The following RUBCNL variants were observed in gnomAD, a reference collection of about 807,000 sequenced individuals.
RUBCNL encodes protein associated with UVRAG as autophagy enhancer.
Under a neutral mutation model 69.5 loss-of-function variants are expected in RUBCNL, and 62 were observed. The observed-to-expected ratio is 0.89, with a 90% CI of 0.73 to 1.10. The LOEUF (loss-of-function observed/expected upper bound fraction) is 1.10, where lower values mean the gene tolerates loss of function less well. Among genes scored for constraint, RUBCNL ranks in the 50% least tolerant of loss-of-function variants. The pLI, the probability that RUBCNL is intolerant of heterozygous loss-of-function variation, is 0.00. For synonymous variants in RUBCNL, 291 were observed against 303.6 expected (o/e 0.96, Z 0.43); for missense variants, 768 against 798.1 (o/e 0.96, Z 0.45).
At chr13:46,350,750 A>G (rs770197232) in intron 10 of RUBCNL, 33 of 183,462 alleles carry the variant, frequency 1.8e-4, no homozygotes, top group Non-Finnish European at 1.3e-4. Flanking sequence ...ACAAAATGCA[A>G]CTCAGAACTG....
intron 1 of RUBCNL, among the ~76,000 whole-genome samples, chr13:46,379,227 C>G (rs539448135): frequency 2.3e-3 from 354 of 152,284 alleles, no homozygotes; most frequent in Non-Finnish European, 3.7e-3. Flanking sequence ...CAGGTGCCCG[C>G]CACCATGCCT....
chr13:46,342,634 T>C lies in RUBCNL; in HGVS notation c.*751A>G, dbSNP rs2048162074. The C allele has an allele frequency of 6.6e-6, 1 of 152,234 alleles. No homozygotes were observed. The highest frequency in any genetic ancestry group is 6.5e-5 in the Admixed American group (1 of 15,286). The allele number at this position is 152,234 out of a possible 1,614,324, so 9.4% of individuals were successfully genotyped here. On this transcript the variant is annotated 3_prime_UTR_variant, in exon 15 of 15. Transcript: ENST00000429979. Reference sequence around the variant, plus strand: ...ACCTTATGTTCAGTTTTACATCTGTTAAAGCAAGATCCTCAAGGGCAGGGA... The same window carrying C: ...ACCTTATGTTCAGTTTTACATCTGTCAAAGCAAGATCCTCAAGGGCAGGGA...
intron 3 of RUBCNL, among the ~76,000 whole-genome samples, chr13:46,370,633 G>T (rs961512270): frequency 1.3e-5 from 2 of 152,180 alleles, no homozygotes; most frequent in Non-Finnish European, 2.9e-5. Context: ...AGGGGCTGGG[G>T]TATCTGTTTT....
intron 5 of RUBCNL, among the ~76,000 whole-genome samples, chr13:46,365,302 C>CAAG (rs2048727296): frequency 3.4e-5 from 2 of 59,460 alleles, no homozygotes. Flanking sequence ...GACTCCATCT[C>CAAG]AAAAAAAAAA....
Position 46,341,043 on chromosome 13 carries a change from C to G in RUBCNL, c.*2342G>C, listed in dbSNP as rs2048138484. ...TGTGGCCAATAATTCTCACCCAGGT[C>G]AACACACCAGACATCTTTGGGATGG... On this transcript the variant is annotated 3_prime_UTR_variant, in exon 15 of 15. Coordinates refer to ENST00000429979, the MANE Select transcript of RUBCNL (RefSeq NM_025113.5). 1.3e-5 allele frequency among the ~76,000 whole-genome samples: 2 copies of G among 152,186 alleles called. No homozygotes were observed. Among genetic ancestry groups the G allele is most frequent in the Non-Finnish European group, 1.5e-5 (1 of 68,040 alleles).
intron 3 of RUBCNL, among the ~76,000 whole-genome samples, chr13:46,371,122 A>C (rs2048866445): frequency 1.3e-5 from 2 of 152,212 alleles, no homozygotes; most frequent in Admixed American, 1.3e-4. Context: ...GGGGAAGATG[A>C]GCTCCTGCTA....
intron 2 of RUBCNL, among the ~76,000 whole-genome samples, chr13:46,374,031 A>G (rs1368958030): frequency 1.3e-5 from 2 of 152,250 alleles, no homozygotes; most frequent in African/African-American, 4.8e-5. Context: ...GTTTATAGCT[A>G]TAGCTGCTGT....
intron 12 of RUBCNL, among the ~76,000 whole-genome samples, chr13:46,346,630 G>A (rs766432385): frequency 1.3e-5 from 2 of 152,016 alleles, no homozygotes; most frequent in East Asian, 1.9e-4. Flanking sequence ...TGAAAAAACC[G>A]AGGCCCTGAG....
chr13:46,359,930 A>G lies in RUBCNL; in HGVS notation c.1120-299T>C, dbSNP rs562961171. On this transcript the variant is annotated intron_variant, in intron 8 of 14. Coordinates refer to ENST00000429979, the MANE Select transcript of RUBCNL (RefSeq NM_025113.5). ...GACCTGGAATGCATTTATGAATAGC[A>G]GAAGCCTCACCCCTCTTAGTCAACA... is the stretch of plus-strand genomic sequence containing the variant. Among the ~76,000 whole-genome samples the G allele has an allele frequency of 2.0e-5, 3 of 152,210 alleles. No individual in the cohort carries two copies. The South Asian group carries it at 6.2e-4, about 31-fold the overall frequency.
At chr13:46,380,197 G>C (rs2049088957) in intron 1 of RUBCNL, among the ~76,000 whole-genome samples, 2 of 152,184 alleles carry the variant, frequency 1.3e-5, no homozygotes, top group Non-Finnish European at 1.5e-5. Context: ...AGAGAAATGG[G>C]TAAGTAAGAA....
chr13:46,335,260 GTTTTTTTTTTTTTT>G lies in RUBCNL; in HGVS notation c.*8111_*8124del, dbSNP rs764458781. Reference sequence around the variant, plus strand: ...GTGTCTTTTTGTTGTTGTTGTTGTTGTTTTTTTTTTTTTTTTTTTTTTTTTAAGAGACAGGGTCT... The same window carrying G: ...GTGTCTTTTTGTTGTTGTTGTTGTTGTTTTTTTTTTTAAGAGACAGGGTCT... On this transcript the variant is annotated 3_prime_UTR_variant, in exon 15 of 15. Transcript: ENST00000429979. Among the ~76,000 whole-genome samples, 1 of 101,888 alleles carries G rather than the reference GTTTTTTTTTTTTTT, an allele frequency of 9.8e-6. No homozygotes were observed. The highest frequency in any genetic ancestry group is 3.5e-4 in the South Asian group (1 of 2,828). The allele number at this position is 101,888 out of a possible 152,430, so 66.8% of individuals were successfully genotyped here. A position where few individuals can be genotyped will look rare whatever the true frequency, so the allele number is the denominator to read the frequency against.
chr13:46,340,743 C>T lies in RUBCNL; in HGVS notation c.*2642G>A, dbSNP rs1401891931. Among the ~76,000 whole-genome samples, 1 of 152,116 alleles carries T rather than the reference C, an allele frequency of 6.6e-6. No individual in the cohort carries two copies. The highest frequency in any genetic ancestry group is 6.5e-5 in the Admixed American group (1 of 15,274). ...TGTGCAGACTCCCCTTGTATGGAAA[C>T]AGAGGAGGCAAAGAGAGGGCAGGGA... On this transcript the variant is annotated 3_prime_UTR_variant, in exon 15 of 15. Transcript: ENST00000429979.
rs569997490 is a variant in RUBCNL, at chr13:46,355,861, TAA to T, written c.1330+569_1330+570del. 2.4e-3 allele frequency among the ~76,000 whole-genome samples: 372 copies of T among 152,222 alleles called. 2 individuals are homozygous for T. The highest frequency in any genetic ancestry group is 8.5e-3 in the African/African-American group (352 of 41,524). On this transcript the variant is annotated intron_variant, in intron 10 of 14. Transcript: ENST00000429979. ...AATAATAAGACATATTAGTAAAATA[TAA>T]GAGACTATTTTAGAAAGACTGTGCT...
Position 46,355,306 on chromosome 13 carries a change from T to C in RUBCNL, c.1330+1126A>G, listed in dbSNP as rs1010185618. Among the ~76,000 whole-genome samples, 321 of 151,674 alleles carry C rather than the reference T, an allele frequency of 2.1e-3. 1 individual carries two copies. The highest frequency in any genetic ancestry group is 7.5e-3 in the African/African-American group (312 of 41,344). The stretch of plus-strand genomic sequence containing the variant: ...AGGAAAGCCCGAGCTTTTTTTTTTT[T>C]TTTTTTGAGACGGAGTCTCACTTTG... On this transcript the variant is annotated intron_variant, in intron 10 of 14. Transcript: ENST00000429979.
At chr13:46,356,819 A>G (rs1259895098) in intron 9 of RUBCNL, among the ~76,000 whole-genome samples, 1 of 151,182 alleles carries the variant, frequency 6.6e-6, no homozygotes, top group African/African-American at 2.4e-5. Flanking sequence ...AGCAATCCTC[A>G]GCCTCCTGTG....
chr13:46,357,945 T>C (rs2048527323), intron 9 of RUBCNL, among the ~76,000 whole-genome samples: 1 of 152,212 alleles, frequency 6.6e-6, no homozygotes, highest in Non-Finnish European at 1.5e-5. Context: ...GGATTTTCTA[T>C]TGAACTGTTT....
chr13:46,362,540 C>T lies in RUBCNL; in HGVS notation c.984G>A (p.Lys328=). The T allele has an allele frequency of 1.2e-6, 2 of 1,606,722 alleles. No homozygotes were observed. Among genetic ancestry groups the T allele is most frequent in the East Asian group, 4.5e-5 (2 of 44,786 alleles). Residue 328 remains lysine (K), a splice_region_variant and synonymous_variant, in exon 7 of 15, where the codon AAG becomes AAA. Coordinates refer to ENST00000429979, the MANE Select transcript of RUBCNL (RefSeq NM_025113.5). ...CACTGTGCACAGAAGACAGATACCT[C>T]TTAGAGGAGCTGCAGGAACAGCTAC... is the stretch of plus-strand genomic sequence containing the variant. The part of the protein sequence containing the change: ...ETCSCSCSSS[K]SVTYEPDFNS...
At chr13:46,350,462 A>G (rs2025412) in intron 10 of RUBCNL, 111 bp from the exon 11 acceptor site, 31,248 of 775,688 alleles carry the variant, frequency 0.04, 3,561 homozygotes, top group East Asian at 0.4. Context: ...GACTTGTTTC[A>G]TGATGATAAA....
intron 5 of RUBCNL, among the ~76,000 whole-genome samples, chr13:46,367,610 A>G (rs2048786501): frequency 6.6e-6 from 1 of 152,200 alleles, no homozygotes; most frequent in Admixed American, 6.5e-5. Flanking sequence ...TTTTTAGACA[A>G]AGGATTTAAA....
Sources: gnomAD v4.1 joint callset for allele counts (sites outside exome capture counted in the v4.1 genomes callset) on GRCh38, gnomAD v4.1.1 for gene constraint, MANE v1.5 for transcripts, NCBI Gene and HGNC (gene_info 2026-07-23, HGNC 2026-07-21) for gene names.